The following CHRNA4 variants were observed in gnomAD, a reference collection of about 807,000 sequenced individuals.
CHRNA4 encodes cholinergic receptor nicotinic alpha 4 subunit, also known as neuronal acetylcholine receptor subunit alpha-4.
In CHRNA4, 28 loss-of-function variants were observed where a neutral mutation model predicts 48.9. The observed-to-expected ratio is 0.57, with a 90% confidence interval of 0.42 to 0.79. The LOEUF (loss-of-function observed/expected upper bound fraction) is 0.79. Among genes scored for constraint, CHRNA4 ranks in the 30% least tolerant of loss-of-function variants. The pLI is 0.00. For missense variants in CHRNA4, 859 were observed against 898.4 expected (o/e 0.96, Z 0.56); for synonymous variants, 425 against 402.3 (o/e 1.06, Z -0.68).
chr20:63,361,194 C>G lies in CHRNA4; in HGVS notation c.-29G>C. The G allele has an allele frequency of 6.9e-7, 1 of 1,458,218 alleles. No individual in the cohort carries two copies. The highest frequency in any genetic ancestry group is 9.0e-7 in the Non-Finnish European group (1 of 1,108,168). 90.3% of individuals were successfully genotyped at this position (1,458,218 alleles called of 1,614,324 possible). A position where few individuals can be genotyped will look rare whatever the true frequency, so the allele number is the denominator to read the frequency against. On this transcript the variant is annotated 5_prime_UTR_variant, in exon 1 of 6. Transcript: ENST00000370263. ...GCACGCACCTCGCGGGCTCTAGATG[C>G]GGGCGGCTCCCGGCTCCCCGCCGCT...
chr20:63,352,652 AAATT>A (rs1287388923), intron 4 of CHRNA4, among the ~76,000 whole-genome samples: 2 of 152,168 alleles, frequency 1.3e-5, no homozygotes, highest in Non-Finnish European at 2.9e-5. Flanking sequence ...TCTGAGGCAC[AAATT>A]AAAAGATTCT....
intron 4 of CHRNA4, 132 bp from the exon 5 acceptor site, chr20:63,351,159 A>G (rs1433067520): frequency 1.4e-6 from 1 of 729,736 alleles, no homozygotes; most frequent in Admixed American, 2.7e-5. Flanking sequence ...GTCCACGCCC[A>G]CATCCACGTC....
At chr20:63,359,761 G>A (rs1332259916) in intron 1 of CHRNA4, 62 bp from the exon 2 acceptor site, 1 of 1,571,996 alleles carries the variant, frequency 6.4e-7, no homozygotes, top group Non-Finnish European at 8.6e-7. Flanking sequence ...GAGCTGTCCA[G>A]GAGCTCTCCA....
chr20:63,361,113 AGCAGCAGCAGCG>A lies in CHRNA4; in HGVS notation c.41_52del (p.Pro14_Leu17del). On this transcript the variant is annotated inframe_deletion, in exon 1 of 6. Coordinates refer to ENST00000370263, the MANE Select transcript of CHRNA4 (RefSeq NM_000744.7). ...ACCGCGCAGGAGGCCGGTCCCCAGA[AGCAGCAGCAGCG>A]GCGGCAGCAGCCGCGGCGCTCCGGG... The A allele has an allele frequency of 6.8e-7, 1 of 1,476,980 alleles. No individual in the cohort carries two copies. Among genetic ancestry groups the A allele is most frequent in the East Asian group, 2.9e-5 (1 of 34,842 alleles). The allele number at this position is 1,476,980 out of a possible 1,614,324, so 91.5% of individuals were successfully genotyped here. A position where few individuals can be genotyped will look rare whatever the true frequency, so the allele number is the denominator to read the frequency against.
rs149055490 is a variant in CHRNA4, at chr20:63,356,043, A to G, written c.315T>C (p.Tyr105=). Residue 105 remains tyrosine, a synonymous_variant, in exon 4 of 6, where the codon TAT becomes TAC. Coordinates refer to ENST00000370263, the MANE Select transcript of CHRNA4 (RefSeq NM_000744.7). ...DYKLRWDPAD[Y]ENVTSIRIPS... ...GGATGCGGATGGAGGTGACATTCTC[A>G]TAGTCAGCTGGGTCCCAGCGCAGCT... 36 of 1,593,426 alleles carry G rather than the reference A, an allele frequency of 2.3e-5. No homozygotes were observed. Among genetic ancestry groups the G allele is most frequent in the Non-Finnish European group, 2.7e-5 (32 of 1,169,744 alleles).
rs1861764505 is a variant in CHRNA4 at position 63,345,715 on chromosome 20, C to T, written c.*1023G>A. 1 of 453,000 alleles carries T rather than the reference C, an allele frequency of 2.2e-6. No homozygotes were observed. The highest frequency in any genetic ancestry group is 4.4e-6 in the Non-Finnish European group (1 of 225,912). The allele number at this position is 453,000 out of a possible 1,614,324, so 28.1% of individuals were successfully genotyped here. A position where few individuals can be genotyped will look rare whatever the true frequency, so the allele number is the denominator to read the frequency against. On this transcript the variant is annotated 3_prime_UTR_variant, in exon 6 of 6. Transcript: ENST00000370263. This position sits in a 1 kb window ranked among gnomAD's most constrained non-coding sequence, Gnocchi z 5.4. ...AGGTGGAGGTCCTCAAGGATGCCCCCACCAGCTCCCCACAGCTACTGTAGC... is the reference window on the plus strand; with the variant it reads ...AGGTGGAGGTCCTCAAGGATGCCCCTACCAGCTCCCCACAGCTACTGTAGC...
rs1349967960 is a variant in CHRNA4 at position 63,345,193 on chromosome 20, G to A, written c.*1545C>T. On this transcript the variant is annotated 3_prime_UTR_variant, in exon 6 of 6. Coordinates refer to ENST00000370263, the MANE Select transcript of CHRNA4 (RefSeq NM_000744.7). This position sits in a 1 kb window ranked among gnomAD's most constrained non-coding sequence, Gnocchi z 5.4. ...CACCTCCTGACGAGACCCTGGCCCA[G>A]GAGAGCTCGGCTCGGGGACAGAGGA... 4.5e-6 allele frequency: 2 copies of A among 447,290 alleles called. No individual in the cohort carries two copies. The highest frequency in any genetic ancestry group is 9.0e-6 in the Non-Finnish European group (2 of 221,440). 27.7% of individuals were successfully genotyped at this position (447,290 alleles called of 1,614,324 possible). A position where few individuals can be genotyped will look rare whatever the true frequency, so the allele number is the denominator to read the frequency against.
chr20:63,353,820 AG>A (rs2068662368), intron 4 of CHRNA4, among the ~76,000 whole-genome samples: 2 of 8,078 alleles, frequency 2.5e-4, no homozygotes, highest in Admixed American at 2.5e-3. Context: ...GTGGTCCTGG[AG>A]GGGCTGTGGT....
Position 63,350,299 on chromosome 20 carries a change from A to T in CHRNA4, c.1112T>A (p.Leu371His). The T allele has an allele frequency of 1.2e-6, 2 of 1,612,824 alleles. No individual in the cohort carries two copies. The highest frequency in any genetic ancestry group is 1.7e-6 in the Non-Finnish European group (2 of 1,179,936). The change falls in exon 5 of 6, where the codon CTC (leucine) becomes CAC (histidine). Residue 371 changes from leucine to histidine, a missense_variant. Transcript: ENST00000370263. ...PSVVKDNCRR[L>H]IESMHKMASA... ...GGCCATCTTATGCATGGACTCGATGAGCCGCCGGCAATTGTCCTTGACCAC... is the reference window on the plus strand; with the variant it reads ...GGCCATCTTATGCATGGACTCGATGTGCCGCCGGCAATTGTCCTTGACCAC...
At chr20:63,359,888 G>GCCA (rs1289618963) in intron 1 of CHRNA4, 189 bp from the exon 2 acceptor site, 15 of 515,176 alleles carry the variant, frequency 2.9e-5, no homozygotes, top group Admixed American at 6.9e-5. Context: ...TGTGTGTGCC[G>GCCA]GGCGTGTGCT....
chr20:63,355,927 C>T, intron 4 of CHRNA4, 48 bp downstream of exon 4: 1 of 1,604,980 alleles, frequency 6.2e-7, no homozygotes, highest in Non-Finnish European at 8.5e-7. Context: ...CTGGCCACTC[C>T]TGCCCACCAA....
rs1381116077 is a variant in CHRNA4 at position 63,350,023 on chromosome 20, G to C, written c.1388C>G (p.Ala463Gly). Residue 463 changes from alanine to glycine, a missense_variant, in exon 5 of 6, where the codon GCC (alanine) becomes GGC (glycine). By Grantham distance (60) the Ala-to-Gly change is moderately conservative. Transcript: ENST00000370263. ...HGTQAPGLAK[A>G]RSLSVQHMSS... Reference sequence around the variant, plus strand: ...CATGTGCTGGACGCTGAGGGACCTGGCTTTGGCCAGCCCTGGTGCCTGGGT... The same window carrying C: ...CATGTGCTGGACGCTGAGGGACCTGCCTTTGGCCAGCCCTGGTGCCTGGGT... 13 of 1,523,978 alleles carry C rather than the reference G, an allele frequency of 8.5e-6. No individual in the cohort carries two copies. The highest frequency in any genetic ancestry group is 1.1e-5 in the Non-Finnish European group (13 of 1,135,882). 94.4% of individuals were successfully genotyped at this position (1,523,978 alleles called of 1,614,324 possible). A position where few individuals can be genotyped will look rare whatever the true frequency, so the allele number is the denominator to read the frequency against.
rs138295365 is a variant in CHRNA4, at chr20:63,359,599, C to T, written c.177G>A (p.Ser59=). Residue 59 remains serine (S), a synonymous_variant, in exon 2 of 6, where the codon TCG becomes TCA. Transcript: ENST00000370263. Reference sequence around the variant, plus strand: ...GGCCGAAGCGGACGAGGACCACGTCCGAGATGTTGGCCACGGGTCGGGACC... The same window carrying T: ...GGCCGAAGCGGACGAGGACCACGTCTGAGATGTTGGCCACGGGTCGGGACC... ...NKWSRPVANI[S]DVVLVRFGLS... is the part of the protein sequence containing the mutation. 2.4e-5 allele frequency: 38 copies of T among 1,612,596 alleles called. No individual in the cohort carries two copies. Among genetic ancestry groups the T allele is most frequent in the South Asian group, 9.9e-5 (9 of 91,082 alleles).
In CHRNA4 at chr20:63,349,729, G is replaced by T. The variant is rs199949135; in HGVS notation, c.1682C>A (p.Ser561Ter). The change falls in exon 5 of 6, where the codon TCG becomes TAG. Residue 561 changes from serine (S) to a stop codon, truncating the protein, a stop_gained. Transcript: ENST00000370263. LOFTEE classifies it high-confidence loss of function. ...CTCCACCGCCCGGGTCAGGGCCGGC[G>T]ACAGGGGCAGGTGCGGGGGCGGCGC... ...TKAPPPHLPL[S>*]PALTRAVEGV... 1 of 1,612,806 alleles carries T rather than the reference G, an allele frequency of 6.2e-7. No individual in the cohort carries two copies. Among genetic ancestry groups the T allele is most frequent in the African/African-American group, 1.3e-5 (1 of 75,054 alleles).
At chr20:63,359,911 G>GCCGGGCGTGCGC in intron 1 of CHRNA4, 6 of 518,592 alleles carry the variant, frequency 1.2e-5, no homozygotes, top group Non-Finnish European at 2.1e-5. Flanking sequence ...GTGTGTGTGT[G>GCCGGGCGTGCGC]TGTGTGTGTG....
At chr20:63,349,594 G>A (rs1403313979) in intron 5 of CHRNA4, 59 bp downstream of exon 5, 4 of 1,601,900 alleles carry the variant, frequency 2.5e-6, no homozygotes, top group Non-Finnish European at 3.4e-6. Flanking sequence ...AGGAAGAAAG[G>A]GCGTCCGCCG....
Position 63,361,074 on chromosome 20 carries a change from G to C in CHRNA4, c.76+16C>G, listed in dbSNP as rs1343836978. On this transcript the variant is annotated intron_variant, in intron 1 of 5. Coordinates refer to ENST00000370263, the MANE Select transcript of CHRNA4 (RefSeq NM_000744.7). ...ACGCGGGCGAAAGGGGGCCCATCCC[G>C]CGCCCCGTAACTTACCGCGCAGGAG... 7.0e-7 allele frequency: 1 copy of C among 1,436,448 alleles called. No individual in the cohort carries two copies. Among genetic ancestry groups the C allele is most frequent in the South Asian group, 1.4e-5 (1 of 73,034 alleles). 89.0% of individuals were successfully genotyped at this position (1,436,448 alleles called of 1,614,324 possible).
rs747296897 is a variant in CHRNA4, at chr20:63,343,255, T to C, written c.*3483A>G. On this transcript the variant is annotated 3_prime_UTR_variant, in exon 6 of 6. Coordinates refer to ENST00000370263, the MANE Select transcript of CHRNA4 (RefSeq NM_000744.7). ...GGTGCGTTTTATTCATTGAAGTCTG[T>C]GCACACACTGGGAGCACATTCCAGG... is the stretch of plus-strand genomic sequence containing the variant. 2.1e-5 allele frequency: 9 copies of C among 426,878 alleles called. No individual in the cohort carries two copies. The highest frequency in any genetic ancestry group is 3.8e-5 in the Non-Finnish European group (8 of 209,926). 26.4% of individuals were successfully genotyped at this position (426,878 alleles called of 1,614,324 possible).
intron 4 of CHRNA4, 49 bp from the exon 5 acceptor site, chr20:63,351,076 C>G: frequency 6.6e-7 from 1 of 1,525,718 alleles, no homozygotes; most frequent in Non-Finnish European, 8.9e-7. Flanking sequence ...TCCATGCCCA[C>G]GTCCACACCC....
Sources: allele counts gnomAD v4.1 joint callset (sites outside exome capture counted in the v4.1 genomes callset), GRCh38; gene constraint gnomAD v4.1.1; non-coding constraint Gnocchi (gnomAD v3.1); transcripts MANE v1.5; gene names NCBI Gene and HGNC (gene_info 2026-07-23, HGNC 2026-07-21).